The following FLRT2 variants were observed in gnomAD, a reference collection of about 807,000 sequenced individuals.
FLRT2 encodes the protein fibronectin leucine rich transmembrane protein 2.
In FLRT2, 15 loss-of-function variants were observed where a neutral mutation model predicts 40.0. The observed-to-expected ratio is 0.38, with a 90% CI of 0.25 to 0.58. FLRT2 has a LOEUF of 0.58. FLRT2 is among the 20% of genes least tolerant of loss of function. The pLI, the probability that FLRT2 is intolerant of heterozygous loss-of-function variation, is 0.71. For missense variants in FLRT2, 726 were observed against 840.0 expected (o/e 0.86, Z 1.68); for synonymous variants, 380 against 336.8 (o/e 1.13, Z -1.41).
At chr14:85,594,183 AT>A (rs1892030372) in intron 1 of FLRT2, among the ~76,000 whole-genome samples, 1 of 152,216 alleles carries the variant, frequency 6.6e-6, no homozygotes, top group Non-Finnish European at 1.5e-5. Flanking sequence ...TTTTAAATTC[AT>A]TAAAATAAGT....
intron 1 of FLRT2, among the ~76,000 whole-genome samples, chr14:85,566,549 T>TGTGTGTGTGTGTG (rs1890621506): frequency 7.6e-6 from 1 of 130,826 alleles, no homozygotes; most frequent in African/African-American, 2.6e-5. Context: ...ACTTCCATGG[T>TGTGTGTGTGTGTG]TGTGTGTGTG....
intron 1 of FLRT2, among the ~76,000 whole-genome samples, chr14:85,609,925 A>G (rs17121348): frequency 0.03 from 4,514 of 152,248 alleles, 227 homozygotes; most frequent in African/African-American, 0.1. Flanking sequence ...AGAAGGAAAA[A>G]AGCCAATGGT....
chr14:85,622,053 T>G lies in FLRT2; in HGVS notation c.539T>G (p.Val180Gly), dbSNP rs777050605. The G allele has an allele frequency of 6.2e-7, 1 of 1,614,002 alleles. No homozygotes were observed. Among genetic ancestry groups the G allele is most frequent in the Non-Finnish European group, 8.5e-7 (1 of 1,179,942 alleles). ...AGCAGTGTGCCTGTTGGGCTTCCTG[T>G]GGACTTGCAAGAGCTGAGAGTGGAT... ...HLSSVPVGLP[V>G]DLQELRVDEN... is the part of the protein sequence containing the mutation. Residue 180 changes from valine to glycine, a missense_variant, in exon 2 of 2, where the codon GTG becomes GGG. By Grantham distance (109) the Val-to-Gly change is moderately radical. This residue lies in a region of FLRT2 where 611 missense variants were observed against 690.0 expected (regional missense o/e 0.89). Coordinates refer to ENST00000330753, the MANE Select transcript of FLRT2 (RefSeq NM_013231.6).
rs1359800585 is a variant in FLRT2 at position 85,653,338 on chromosome 14, A to G, written c.*29841A>G. ...GATGAGAAATCTTCTGGTGCCATCA[A>G]TGGGATGCAATTTGGCTAGTCACAC... On this transcript the variant is annotated 3_prime_UTR_variant, in exon 2 of 2. Coordinates refer to ENST00000330753, the MANE Select transcript of FLRT2 (RefSeq NM_013231.6). The G allele has an allele frequency of 6.6e-6, 1 of 152,144 alleles. No individual in the cohort carries two copies. Among genetic ancestry groups the G allele is most frequent in the South Asian group, 2.1e-4 (1 of 4,820 alleles). 9.4% of individuals were successfully genotyped at this position (152,144 alleles called of 1,614,324 possible).
chr14:85,555,416 G>A (rs1029521982), intron 1 of FLRT2, among the ~76,000 whole-genome samples: 1 of 152,068 alleles, frequency 6.6e-6, no homozygotes, highest in Non-Finnish European at 1.5e-5. Flanking sequence ...CATAGTGGAA[G>A]GCGAAAAGCA....
At chr14:85,579,180 T>A (rs1365159758) in intron 1 of FLRT2, among the ~76,000 whole-genome samples, 1 of 152,172 alleles carries the variant, frequency 6.6e-6, no homozygotes, top group Non-Finnish European at 1.5e-5. Flanking sequence ...AGCTGTGCAG[T>A]GGGCTGGTGA....
intron 1 of FLRT2, among the ~76,000 whole-genome samples, chr14:85,605,543 G>A (rs962044310): frequency 6.6e-6 from 1 of 152,164 alleles, no homozygotes; most frequent in Non-Finnish European, 1.5e-5. Flanking sequence ...GGCCGAGGCG[G>A]ACAGATCACA....
chr14:85,539,730 A>G (rs560417615), intron 1 of FLRT2, among the ~76,000 whole-genome samples: 1 of 152,296 alleles, frequency 6.6e-6, no homozygotes, highest in South Asian at 2.1e-4. Context: ...TTATATTCCT[A>G]TAAAGAGGCA....
At chr14:85,583,284 A>G (rs2139878662) in intron 1 of FLRT2, among the ~76,000 whole-genome samples, 1 of 152,304 alleles carries the variant, frequency 6.6e-6, no homozygotes, top group East Asian at 1.9e-4. Context: ...AGAGAAATAA[A>G]GGTAATGGAA....
chr14:85,594,503 C>T (rs1216053292), intron 1 of FLRT2, among the ~76,000 whole-genome samples: 2 of 152,164 alleles, frequency 1.3e-5, no homozygotes, highest in Non-Finnish European at 2.9e-5. Context: ...ACTATTTAAA[C>T]CTTGGCCCTC....
chr14:85,628,663 GGA>G lies in FLRT2; in HGVS notation c.*5167_*5168del, dbSNP rs1343525421. 6.6e-6 allele frequency: 1 copy of G among 152,100 alleles called. No individual in the cohort carries two copies. The highest frequency in any genetic ancestry group is 1.5e-5 in the Non-Finnish European group (1 of 68,018). The allele number at this position is 152,100 out of a possible 1,614,324, so 9.4% of individuals were successfully genotyped here. A position where few individuals can be genotyped will look rare whatever the true frequency, so the allele number is the denominator to read the frequency against. On this transcript the variant is annotated 3_prime_UTR_variant, in exon 2 of 2. Transcript: ENST00000330753. Reference sequence around the variant, plus strand: ...AATGTATTTGACAGAGATTGAATCAGGAAATAAATTCATGACATTTCAGTTAA... The same window carrying G: ...AATGTATTTGACAGAGATTGAATCAGAATAAATTCATGACATTTCAGTTAA...
rs781639291 is a variant in FLRT2 at position 85,630,285 on chromosome 14, C to CTTTTTTTTTTTT, written c.*6799_*6810dup. 3 of 93,454 alleles carry CTTTTTTTTTTTT rather than the reference C, an allele frequency of 3.2e-5. No individual in the cohort carries two copies. Among genetic ancestry groups the CTTTTTTTTTTTT allele is most frequent in the African/African-American group, 8.3e-5 (2 of 24,036 alleles). The allele number at this position is 93,454 out of a possible 1,614,324, so 5.8% of individuals were successfully genotyped here. ...CATACCAATGGGTGATCATATCTGT[C>CTTTTTTTTTTTT]TTTTTTTTTTTTTTTTTTTTTTGGT... is the stretch of plus-strand genomic sequence containing the variant. On this transcript the variant is annotated 3_prime_UTR_variant, in exon 2 of 2. Transcript: ENST00000330753.
intron 1 of FLRT2, among the ~76,000 whole-genome samples, chr14:85,580,934 G>T (rs1891360069): frequency 6.6e-6 from 1 of 152,152 alleles, no homozygotes; most frequent in Non-Finnish European, 1.5e-5. Flanking sequence ...TCCAAAAATA[G>T]TGGCGTTCTG....
chr14:85,575,427 G>A (rs1223824900), intron 1 of FLRT2, among the ~76,000 whole-genome samples: 1 of 152,086 alleles, frequency 6.6e-6, no homozygotes, highest in African/African-American at 2.4e-5. Flanking sequence ...GAGTTCTGCA[G>A]CTCAAAAACA....
At chr14:85,589,276 T>C (rs1224994677) in intron 1 of FLRT2, among the ~76,000 whole-genome samples, 1 of 152,206 alleles carries the variant, frequency 6.6e-6, no homozygotes, top group East Asian at 1.9e-4. Flanking sequence ...CAGCATTTTT[T>C]ATTGCCTCTC....
intron 1 of FLRT2, among the ~76,000 whole-genome samples, chr14:85,569,824 A>G (rs1285820187): frequency 1.3e-5 from 2 of 152,166 alleles, no homozygotes; most frequent in Non-Finnish European, 2.9e-5. Context: ...TGCATTAGCC[A>G]AAAAAATGAT....
At chr14:85,583,118 C>T (rs965013766) in intron 1 of FLRT2, among the ~76,000 whole-genome samples, 2 of 152,128 alleles carry the variant, frequency 1.3e-5, no homozygotes, top group Admixed American at 6.6e-5. Flanking sequence ...TGCAGAAAAT[C>T]GTTGAAAGAT....
intron 1 of FLRT2, among the ~76,000 whole-genome samples, chr14:85,616,828 G>A (rs907754519): frequency 3.3e-5 from 5 of 152,098 alleles, no homozygotes; most frequent in African/African-American, 1.2e-4. Flanking sequence ...AACTACATCA[G>A]CTCTGCATAC....
At position 85,623,217 on chromosome 14, in the gene FLRT2, A is replaced by C; in HGVS notation, c.1703A>C (p.Lys568Thr). The C allele has an allele frequency of 2.0e-6, 3 of 1,534,186 alleles. No homozygotes were observed. The highest frequency in any genetic ancestry group is 2.6e-6 in the Non-Finnish European group (3 of 1,141,882). The change falls in exon 2 of 2, where the codon AAA becomes ACA. Residue 568 changes from lysine to threonine, a missense_variant. Physicochemically the swap from Lys to Thr is moderately conservative, Grantham distance 78. Transcript: ENST00000330753. ...LLSVFCWHMH[K>T]KGRYTSQKWK... ...AGCGTCTTTTGCTGGCATATGCACAAAAAGGGGCGCTACACCTCCCAGAAG... is the reference window on the plus strand; with the variant it reads ...AGCGTCTTTTGCTGGCATATGCACACAAAGGGGCGCTACACCTCCCAGAAG...
Sources: gnomAD v4.1 joint callset for allele counts (sites outside exome capture counted in the v4.1 genomes callset) on GRCh38, gnomAD v4.1.1 for gene constraint, gnomAD v4.1.1 regional missense constraint, MANE v1.5 for transcripts, NCBI Gene and HGNC (gene_info 2026-07-23, HGNC 2026-07-21) for gene names.